MCTP2: variants seen among roughly 807,000 people sequenced by gnomAD.
MCTP2 encodes multiple C2 and transmembrane domain containing 2, also known as multiple C2 and transmembrane domain-containing protein 2.
In MCTP2, 132 loss-of-function variants were observed where a neutral mutation model predicts 111.6. The observed-to-expected ratio is 1.18, with a 90% confidence interval of 1.03 to 1.37. The LOEUF (loss-of-function observed/expected upper bound fraction) is 1.37. Among genes scored for constraint, MCTP2 ranks in the 40% most tolerant of loss-of-function variants. MCTP2 has a pLI of 0.00. For missense variants in MCTP2, 1,183 were observed against 1,067.9 expected (o/e 1.11, Z -1.50); for synonymous variants, 395 against 387.7 (o/e 1.02, Z -0.22).
At chr15:94,425,608 A>G (rs1428835332) in intron 17 of MCTP2, among the ~76,000 whole-genome samples, 1 of 152,168 alleles carries the variant, frequency 6.6e-6, no homozygotes, top group Non-Finnish European at 1.5e-5. Flanking sequence ...CAAAAATAAA[A>G]GTTATCTTTT....
chr15:94,410,217 CAT>C (rs1378375188), intron 17 of MCTP2, among the ~76,000 whole-genome samples: 3 of 152,156 alleles, frequency 2.0e-5, no homozygotes, highest in African/African-American at 4.8e-5. Flanking sequence ...CACACACACT[CAT>C]GTGCTATTTC....
chr15:94,248,777 G>C lies in MCTP2; in HGVS notation c.-66+17113G>C, dbSNP rs76758270. ...AAAACAGACAGTGAGGCTTTGCAAAGGTGCAAGTGTCTTAATCAAGAACCC... is the reference window on the plus strand; with the variant it reads ...AAAACAGACAGTGAGGCTTTGCAAACGTGCAAGTGTCTTAATCAAGAACCC... On this transcript the variant is annotated intron_variant, in intron 1 of 22. Transcript: ENST00000357742. 2.0e-5 allele frequency among the ~76,000 whole-genome samples: 3 copies of C among 152,188 alleles called. No individual in the cohort carries two copies. The East Asian group carries it at 5.8e-4, about 29-fold the overall frequency.
At chr15:94,452,698 A>G (rs191451627) in intron 19 of MCTP2, among the ~76,000 whole-genome samples, 2 of 152,328 alleles carry the variant, frequency 1.3e-5, no homozygotes, top group Non-Finnish European at 2.9e-5. Flanking sequence ...CAAGCAGGGT[A>G]TAGCCAAAAA....
intron 4 of MCTP2, among the ~76,000 whole-genome samples, chr15:94,320,470 G>T (rs534617931): frequency 6.6e-6 from 1 of 152,228 alleles, no homozygotes; most frequent in African/African-American, 2.4e-5. Flanking sequence ...ATGCCCTCCT[G>T]TGCTATAACT....
intron 20 of MCTP2, among the ~76,000 whole-genome samples, chr15:94,460,534 G>T (rs1379068721): frequency 1.3e-5 from 2 of 152,144 alleles, no homozygotes; most frequent in African/African-American, 4.8e-5. Context: ...ACAGAGTGGG[G>T]TCAAGACCCA....
chr15:94,383,907 G>T (rs1398289185), intron 12 of MCTP2, 115 bp from the exon 13 acceptor site: 19 of 719,832 alleles, frequency 2.6e-5, no homozygotes, highest in Non-Finnish European at 3.9e-5. Context: ...CATTGGAAAA[G>T]CAGTCTTGCC....
At chr15:94,338,257 G>A (rs771596435) in intron 4 of MCTP2, among the ~76,000 whole-genome samples, 1 of 151,974 alleles carries the variant, frequency 6.6e-6, no homozygotes, top group Non-Finnish European at 1.5e-5. Flanking sequence ...TCACTGTGCC[G>A]TGTTTCAAAA....
chr15:94,373,648 C>G (rs916961243), intron 12 of MCTP2, among the ~76,000 whole-genome samples: 5 of 152,130 alleles, frequency 3.3e-5, no homozygotes, highest in African/African-American at 1.2e-4. Context: ...TTCAAAGAAT[C>G]TTAAGTAATC....
rs770044172 is a variant in MCTP2, at chr15:94,367,598, T to C, written c.1302-7T>C. The C allele has an allele frequency of 4.4e-6, 7 of 1,604,132 alleles. No homozygotes were observed. Among genetic ancestry groups the C allele is most frequent in the Non-Finnish European group, 3.4e-6 (4 of 1,175,906 alleles). On this transcript the variant is annotated splice_polypyrimidine_tract_variant and splice_region_variant and intron_variant, in intron 10 of 22. Transcript: ENST00000357742. ...TTTCTCTCTCTTGATTCCTGAAACT[T>C]TTCTAGGTGTAAAGTGGATATCTCG... is the stretch of plus-strand genomic sequence containing the variant.
chr15:94,401,845 T>C (rs1043361742), intron 16 of MCTP2, 55 bp from the exon 17 acceptor site: 3 of 1,417,450 alleles, frequency 2.1e-6, no homozygotes, highest in Admixed American at 1.9e-5. Context: ...CTGATCTAGA[T>C]GGAATATTTG....
At chr15:94,235,745 TCA>T (rs1338823908) in intron 1 of MCTP2, among the ~76,000 whole-genome samples, 1 of 152,172 alleles carries the variant, frequency 6.6e-6, no homozygotes, top group Non-Finnish European at 1.5e-5. Context: ...TTGTCCGTAG[TCA>T]CACAGCTGGA....
chr15:94,398,886 G>C, intron 14 of MCTP2, 75 bp from the exon 15 acceptor site: 1 of 847,400 alleles, frequency 1.2e-6, no homozygotes, highest in South Asian at 1.6e-5. Context: ...TTTTGCCAAA[G>C]TTAGTTTTGG....
intron 14 of MCTP2, among the ~76,000 whole-genome samples, chr15:94,398,698 G>A (rs1215468451): frequency 1.3e-5 from 2 of 152,142 alleles, no homozygotes; most frequent in African/African-American, 4.8e-5. Flanking sequence ...ATGGAAATAT[G>A]TAACTTATGA....
intron 4 of MCTP2, among the ~76,000 whole-genome samples, chr15:94,318,562 C>A (rs915868927): frequency 6.6e-6 from 1 of 152,168 alleles, no homozygotes; most frequent in Non-Finnish European, 1.5e-5. Flanking sequence ...TGTGAGCCAC[C>A]ACGCCCGGCC....
At chr15:94,347,501 C>T (rs1338140944) in intron 8 of MCTP2, among the ~76,000 whole-genome samples, 1 of 152,074 alleles carries the variant, frequency 6.6e-6, no homozygotes, top group African/African-American at 2.4e-5. Flanking sequence ...CCAAAAGGTT[C>T]CTGAATGGCC....
At chr15:94,365,143 T>C (rs1377627441) in intron 10 of MCTP2, among the ~76,000 whole-genome samples, 2 of 152,192 alleles carry the variant, frequency 1.3e-5, no homozygotes. Flanking sequence ...AGTTTTAATT[T>C]TGATTGATAT....
In MCTP2 at chr15:94,385,496, C is replaced by G; in HGVS notation, c.1759C>G (p.Leu587Val). The G allele has an allele frequency of 6.2e-7, 1 of 1,613,246 alleles. No individual in the cohort carries two copies. ...DEDGDKPPDF[L>V]GKVAIPLLSI... ...AGATGGAGATAAACCCCCAGATTTT[C>G]TTGGAAAAGTTGCCATTCCCTTGCT... The change falls in exon 14 of 23, where the codon CTT becomes GTT. Residue 587 changes from leucine to valine, a missense_variant. By Grantham distance (32) the Leu-to-Val change is conservative. Transcript: ENST00000357742.
chr15:94,324,848 C>G (rs555698672), intron 4 of MCTP2, among the ~76,000 whole-genome samples: 1 of 152,176 alleles, frequency 6.6e-6, no homozygotes, highest in African/African-American at 2.4e-5. Flanking sequence ...TAATAAATTA[C>G]TAAATTGTTA....
chr15:94,375,067 C>G (rs900706454), intron 12 of MCTP2, among the ~76,000 whole-genome samples: 1 of 152,134 alleles, frequency 6.6e-6, no homozygotes, highest in Non-Finnish European at 1.5e-5. Flanking sequence ...AGAAGCATGA[C>G]AGCTTCTGCT....
Sources: gnomAD v4.1 joint callset for allele counts (sites outside exome capture counted in the v4.1 genomes callset) on GRCh38, gnomAD v4.1.1 for gene constraint, MANE v1.5 for transcripts, NCBI Gene and HGNC (gene_info 2026-07-23, HGNC 2026-07-21) for gene names.